Variants in LIMS1 observed in about 807,000 individuals in gnomAD.
The protein encoded by LIMS1 is LIM zinc finger domain containing 1, also known as LIM and senescent cell antigen-like-containing domain protein 1.
LIMS1 carries 18 observed loss-of-function variants against 44.1 expected under a neutral mutation model. The ratio of observed to expected loss-of-function variants is 0.41; its 90% CI spans 0.28 to 0.61. The LOEUF is 0.61. Ranked by LOEUF, LIMS1 falls within the 20% of genes least tolerant of loss-of-function variation. The pLI is 0.32. For synonymous variants in LIMS1, 93 were observed against 149.1 expected, an observed-to-expected ratio of 0.62 and a Z score of 2.74; for missense variants, 201 against 422.0, an observed-to-expected ratio of 0.48 and a Z score of 4.59.
chr2:108,685,678 G>C (rs1446997998), exon 10 of LIMS1: 1 of 152,112 alleles, frequency 6.6e-6, no homozygotes, highest in East Asian at 1.9e-4. Flanking sequence ...TGTATATGTT[G>C]AGTAGTTTAA....
At chr2:108,620,883 C>G in intron 1 of LIMS1, among the ~76,000 whole-genome samples, 1 of 152,050 alleles carries the variant, frequency 6.6e-6, no homozygotes, top group Admixed American at 6.5e-5. Context: ...CCCTAAGGAG[C>G]TCACTATAAC....
Position 108,595,702 on chromosome 2 carries a change from C to A in LIMS1, c.32+61108C>A, listed in dbSNP as rs74845102. Reference sequence around the variant, plus strand: ...CCCAGGTCCTGTTCTTGGCTCTCAACTGTGGGACTTTCATTCTGTTCCTTC... The same window carrying A: ...CCCAGGTCCTGTTCTTGGCTCTCAAATGTGGGACTTTCATTCTGTTCCTTC... On this transcript the variant is annotated intron_variant, in intron 1 of 9. Coordinates refer to ENST00000544547, the Ensembl canonical transcript of LIMS1. Among the ~76,000 whole-genome samples the A allele has an allele frequency of 1.2e-3, 178 of 152,260 alleles. 1 individual carries two copies. Among genetic ancestry groups the A allele is most frequent in the African/African-American group, 4.1e-3 (170 of 41,540 alleles).
intron 2 of LIMS1, among the ~76,000 whole-genome samples, chr2:108,665,569 CAG>C (rs1424100571): frequency 6.6e-6 from 1 of 151,972 alleles, no homozygotes; most frequent in Non-Finnish European, 1.5e-5. Context: ...CTCTGTCGCC[CAG>C]GCTGGAGTGC....
intron 1 of LIMS1, among the ~76,000 whole-genome samples, chr2:108,617,684 G>A (rs748750239): frequency 6.6e-6 from 1 of 152,202 alleles, no homozygotes; most frequent in Non-Finnish European, 1.5e-5. Context: ...AAGGTTTCTC[G>A]GAAGAGATGA....
At chr2:108,665,817 C>T (rs1040483330) in intron 2 of LIMS1, among the ~76,000 whole-genome samples, 1 of 152,180 alleles carries the variant, frequency 6.6e-6, no homozygotes, top group Non-Finnish European at 1.5e-5. Flanking sequence ...AGCCACTGCG[C>T]CCAGCCAACA....
rs566649278 is a variant in LIMS1, at chr2:108,659,111, T to C, written c.33-494T>C. On this transcript the variant is annotated intron_variant, in intron 1 of 9. Coordinates refer to ENST00000544547, the Ensembl canonical transcript of LIMS1. The stretch of plus-strand genomic sequence containing the variant: ...TTTTAAGGCTACTTAAGCAGTTGTT[T>C]TCCACAGGATTTAATCAAAGGGATA... 310 of 980,824 alleles carry C rather than the reference T, an allele frequency of 3.2e-4. 15 individuals are homozygous for C. In the South Asian group the frequency reaches 5.8e-3, roughly 18 times the overall value. 60.8% of individuals were successfully genotyped at this position (980,824 alleles called of 1,614,324 possible). A position where few individuals can be genotyped will look rare whatever the true frequency, so the allele number is the denominator to read the frequency against.
chr2:108,561,623 T>C (rs1390182344), intron 1 of LIMS1, among the ~76,000 whole-genome samples: 1 of 152,176 alleles, frequency 6.6e-6, no homozygotes, highest in African/African-American at 2.4e-5. Context: ...TTGGTGCCAT[T>C]TTTCCAACAG....
intron 1 of LIMS1, among the ~76,000 whole-genome samples, chr2:108,543,940 G>T (rs1558780722): frequency 6.6e-6 from 1 of 152,186 alleles, no homozygotes; most frequent in Non-Finnish European, 1.5e-5. Context: ...CTACTCAGGA[G>T]GCTGAGGTGG....
At chr2:108,568,404 A>C (rs1035612111) in intron 1 of LIMS1, among the ~76,000 whole-genome samples, 1 of 152,174 alleles carries the variant, frequency 6.6e-6, no homozygotes, top group African/African-American at 2.4e-5. Flanking sequence ...TGTTATGTAT[A>C]CCACATTTTA....
chr2:108,595,412 A>G (rs1188024113), intron 1 of LIMS1, among the ~76,000 whole-genome samples: 1 of 152,196 alleles, frequency 6.6e-6, no homozygotes, highest in East Asian at 1.9e-4. Flanking sequence ...ACCCAGACCA[A>G]GATAAATGAT....
chr2:108,674,719 C>CA (rs59992301), intron 5 of LIMS1, among the ~76,000 whole-genome samples: 2,135 of 43,590 alleles, frequency 0.049, 117 homozygotes, highest in African/African-American at 0.15. Flanking sequence ...AGACTCGTCT[C>CA]AAAAAAAAAA....
intron 2 of LIMS1, among the ~76,000 whole-genome samples, chr2:108,666,672 C>A (rs1691780407): frequency 1.6e-5 from 2 of 127,870 alleles, no homozygotes; most frequent in East Asian, 2.3e-4. Context: ...ACACACAGTC[C>A]CAGCTACTTG....
chr2:108,594,771 A>G (rs776528256), intron 1 of LIMS1, among the ~76,000 whole-genome samples: 9 of 152,352 alleles, frequency 5.9e-5, no homozygotes, highest in Non-Finnish European at 1.2e-4. Flanking sequence ...TCATGTCATC[A>G]GCATTTTAAA....
At chr2:108,593,668 T>C (rs1016183692) in intron 1 of LIMS1, among the ~76,000 whole-genome samples, 1 of 152,194 alleles carries the variant, frequency 6.6e-6, no homozygotes, top group Non-Finnish European at 1.5e-5. Context: ...TCCATGGGGA[T>C]GATTCAACTC....
In LIMS1 at chr2:108,675,857, G is replaced by A. The variant is rs762826220; in HGVS notation, c.531-21G>A. ...CACTTTTCTCTCTTAGTATTAAGCTGTGTGTCTTTCTCACGGACAGGAAGG... is the reference window on the plus strand; with the variant it reads ...CACTTTTCTCTCTTAGTATTAAGCTATGTGTCTTTCTCACGGACAGGAAGG... On this transcript the variant is annotated intron_variant, in intron 5 of 9. Transcript: ENST00000544547. 5 of 1,613,624 alleles carry A rather than the reference G, an allele frequency of 3.1e-6. No individual in the cohort carries two copies. In the African/African-American group the frequency reaches 6.7e-5, roughly 22 times the overall value.
At chr2:108,643,019 C>T (rs747018096) in intron 1 of LIMS1, among the ~76,000 whole-genome samples, 30 of 152,132 alleles carry the variant, frequency 2.0e-4, no homozygotes, top group South Asian at 8.3e-4. Flanking sequence ...AAGTGAAACA[C>T]GCAGTAGATG....
intron 1 of LIMS1, among the ~76,000 whole-genome samples, chr2:108,611,984 TATAC>T (rs1174707831): frequency 6.9e-6 from 1 of 144,650 alleles, no homozygotes; most frequent in Non-Finnish European, 1.5e-5. Flanking sequence ...ATAAAATATA[TATAC>T]ATATATTATA....
chr2:108,615,813 G>A (rs571331589), intron 1 of LIMS1, among the ~76,000 whole-genome samples: 19 of 152,306 alleles, frequency 1.2e-4, no homozygotes, highest in Non-Finnish European at 2.5e-4. Flanking sequence ...GACCATGGAG[G>A]TCACCTAATT....
intron 1 of LIMS1, chr2:108,607,058 C>T (rs1687308990): frequency 1.6e-6 from 1 of 627,988 alleles, no homozygotes; most frequent in South Asian, 2.0e-5. Context: ...GGAGGTGGAG[C>T]CTTTGGAGAG....
Sources: allele counts gnomAD v4.1 joint callset (sites outside exome capture counted in the v4.1 genomes callset), GRCh38; gene constraint gnomAD v4.1.1; transcripts MANE v1.5; gene names NCBI Gene and HGNC (gene_info 2026-07-23, HGNC 2026-07-21).